CSMD1: variants seen among roughly 807,000 people sequenced by gnomAD.
CSMD1 encodes the protein CUB and Sushi multiple domains 1.
Under a neutral mutation model 417.5 loss-of-function variants are expected in CSMD1, and 213 were observed. The observed-to-expected ratio is 0.51, with a 90% CI of 0.46 to 0.57. CSMD1 has a LOEUF of 0.57. Among genes scored for constraint, CSMD1 ranks in the 20% least tolerant of loss-of-function variants. The probability of loss-of-function intolerance (pLI) is 0.00; values close to 1 mark genes in which losing one functional copy is unlikely to be tolerated. For missense variants in CSMD1, 6,923 were observed against 4,529.7 expected (o/e 1.53, Z -15.17); for synonymous variants, 2,862 against 1,736.8 (o/e 1.65, Z -16.11).
chr8:3,428,103 A>C (rs1000602980), intron 12 of CSMD1, among the ~76,000 whole-genome samples: 1 of 152,232 alleles, frequency 6.6e-6, no homozygotes, highest in African/African-American at 2.4e-5. Context: ...TTCTTACAGC[A>C]CCTGAAATTT....
intron 2 of CSMD1, among the ~76,000 whole-genome samples, chr8:4,483,131 G>A (rs574944052): frequency 6.6e-6 from 1 of 152,076 alleles, no homozygotes; most frequent in Non-Finnish European, 1.5e-5. Context: ...CCTGGTGGTG[G>A]ATAAGTCTCA....
Position 3,151,476 on chromosome 8 carries a change from C to T in CSMD1, c.5952G>A (p.Val1984=). The change falls in exon 40 of 70, where the codon GTG becomes GTA. Residue 1984 remains valine (V), a synonymous_variant. Transcript: ENST00000635120. ...AACCTGGGAAGCCGGGGCTCAGGAT[C>T]ACACCACCCAAGGTGCTCAGCGTCC... The part of the protein sequence containing the change: ...CGGTLSTLGG[V]ILSPGFPGSY... 1 of 1,613,612 alleles carries T rather than the reference C, an allele frequency of 6.2e-7. No homozygotes were observed.
At chr8:3,447,807 G>C (rs1815395736) in intron 12 of CSMD1, among the ~76,000 whole-genome samples, 1 of 152,154 alleles carries the variant, frequency 6.6e-6, no homozygotes, top group East Asian at 1.9e-4. Flanking sequence ...AATTGAGCAG[G>C]ACCACTTGGG....
intron 29 of CSMD1, among the ~76,000 whole-genome samples, chr8:3,218,355 A>G (rs1305334959): frequency 6.6e-6 from 1 of 151,730 alleles, no homozygotes. Context: ...AGGTCAGGAG[A>G]TCGAGATCAT....
intron 3 of CSMD1, among the ~76,000 whole-genome samples, chr8:4,211,102 A>C (rs567289210): frequency 6.6e-6 from 1 of 152,146 alleles, no homozygotes; most frequent in East Asian, 1.9e-4. Context: ...CATTTTGGGA[A>C]TTTTCTTGCT....
chr8:3,671,031 C>T (rs200653073), intron 7 of CSMD1, among the ~76,000 whole-genome samples: 37,021 of 81,018 alleles, frequency 0.46, 8,893 homozygotes, highest in Admixed American at 0.54. Flanking sequence ...GGGATATATG[C>T]ATATGGGATA....
chr8:3,662,914 G>C (rs1563247313), intron 7 of CSMD1, among the ~76,000 whole-genome samples: 1 of 152,094 alleles, frequency 6.6e-6, no homozygotes, highest in Non-Finnish European at 1.5e-5. Context: ...TAGATGATGG[G>C]TTGATAGGTG....
chr8:3,211,058 T>C (rs1797576567), intron 30 of CSMD1, among the ~76,000 whole-genome samples: 2 of 152,162 alleles, frequency 1.3e-5, no homozygotes, highest in Admixed American at 1.3e-4. Context: ...ATCTTTTGTT[T>C]TCTTGAGATA....
chr8:4,638,197 T>C (rs1165360418), intron 1 of CSMD1, among the ~76,000 whole-genome samples: 1 of 152,156 alleles, frequency 6.6e-6, no homozygotes, highest in African/African-American at 2.4e-5. Flanking sequence ...GCTATCTACA[T>C]AGTATCATGC....
chr8:4,294,673 T>C (rs781585787), intron 3 of CSMD1, among the ~76,000 whole-genome samples: 1 of 152,168 alleles, frequency 6.6e-6, no homozygotes, highest in African/African-American at 2.4e-5. Flanking sequence ...TTTTACATTT[T>C]AAAAATATTC....
At chr8:4,307,923 C>T (rs1441166963) in intron 3 of CSMD1, among the ~76,000 whole-genome samples, 1 of 152,012 alleles carries the variant, frequency 6.6e-6, no homozygotes, top group African/African-American at 2.4e-5. Flanking sequence ...CAAGAGGACC[C>T]CCGGATGCAA....
chr8:4,788,569 C>A (rs775366764), intron 1 of CSMD1: 2 of 1,337,856 alleles, frequency 1.5e-6, no homozygotes, highest in African/African-American at 1.5e-5. Flanking sequence ...ACAAGAAAAT[C>A]AGAGAATGTA....
chr8:3,775,835 C>G (rs926646344), intron 5 of CSMD1, among the ~76,000 whole-genome samples: 1 of 152,180 alleles, frequency 6.6e-6, no homozygotes, highest in African/African-American at 2.4e-5. Flanking sequence ...TCCGCCAACG[C>G]GCAGGGTTGT....
At chr8:3,521,315 T>G (rs539304775) in intron 10 of CSMD1, among the ~76,000 whole-genome samples, 1 of 152,300 alleles carries the variant, frequency 6.6e-6, no homozygotes, top group East Asian at 1.9e-4. Flanking sequence ...CTCTCTCAAA[T>G]TCACATGTCT....
At chr8:3,955,064 T>G (rs1563250340) in intron 5 of CSMD1, among the ~76,000 whole-genome samples, 1 of 152,208 alleles carries the variant, frequency 6.6e-6, no homozygotes, top group Admixed American at 6.5e-5. Flanking sequence ...ATGCGATAAT[T>G]ATGAACCATC....
intron 7 of CSMD1, among the ~76,000 whole-genome samples, chr8:3,653,413 A>G (rs1797956749): frequency 6.6e-6 from 1 of 152,020 alleles, no homozygotes; most frequent in Non-Finnish European, 1.5e-5. Context: ...GATTCAAACG[A>G]TTGTCCTGCC....
chr8:3,973,873 G>A (rs962963348), intron 5 of CSMD1, among the ~76,000 whole-genome samples: 1 of 152,146 alleles, frequency 6.6e-6, no homozygotes, highest in Admixed American at 6.6e-5. Flanking sequence ...GGGTAACTAT[G>A]GTAGATGAAT....
intron 5 of CSMD1, among the ~76,000 whole-genome samples, chr8:3,906,104 TCA>T (rs899591783): frequency 6.6e-6 from 1 of 152,124 alleles, no homozygotes; most frequent in African/African-American, 2.4e-5. Flanking sequence ...GATGCTAACC[TCA>T]GAGTTGCTGT....
At chr8:3,666,980 G>C (rs1161448463) in intron 7 of CSMD1, among the ~76,000 whole-genome samples, 1 of 152,154 alleles carries the variant, frequency 6.6e-6, no homozygotes, top group African/African-American at 2.4e-5. Flanking sequence ...GTAAGAGCTC[G>C]AATTTTAGCA....
Sources: allele counts gnomAD v4.1 joint callset (sites outside exome capture counted in the v4.1 genomes callset), GRCh38; gene constraint gnomAD v4.1.1; transcripts MANE v1.5; gene names NCBI Gene and HGNC (gene_info 2026-07-23, HGNC 2026-07-21).